Variants in STIM1 observed in about 807,000 individuals in gnomAD.
STIM1 encodes stromal interaction molecule 1.
A neutral mutation model predicts 74.7 loss-of-function variants in STIM1; 25 were observed. That is an observed-to-expected ratio of 0.33 (90% confidence interval 0.24 to 0.47). The LOEUF (loss-of-function observed/expected upper bound fraction) is 0.47. Ranked by LOEUF, STIM1 falls within the 20% of genes least tolerant of loss-of-function variation. The pLI is 1.00. For missense variants in STIM1, 728 were observed against 920.8 expected, an observed-to-expected ratio of 0.79 and a Z score of 2.71; for synonymous variants, 328 against 348.8, an observed-to-expected ratio of 0.94 and a Z score of 0.66.
chr11:3,980,610 T>TAAA (rs34722747), intron 2 of STIM1, among the ~76,000 whole-genome samples: 2 of 126,470 alleles, frequency 1.6e-5, no homozygotes, highest in Non-Finnish European at 3.3e-5. Flanking sequence ...CCCATCTCTT[T>TAAA]AAAAAAAAAA....
rs1458830346 is a variant in STIM1, at chr11:4,091,388, G to A, written c.1741G>A (p.Ala581Thr). The change falls in exon 13 of 13, where the codon GCC (alanine) becomes ACC (threonine). Residue 581 changes from alanine to threonine, a missense_variant. Coordinates refer to ENST00000526596, the MANE Select transcript of STIM1 (RefSeq NM_001382567.1). ...CCGTGCTGCAGACGAGGCTCTCAAT[G>A]CCATGACTTCCAATGGCAGCCACCG... ...MSRAADEALN[A>T]MTSNGSHRLI... 4.3e-6 allele frequency: 7 copies of A among 1,614,082 alleles called. No homozygotes were observed. Among genetic ancestry groups the A allele is most frequent in the Non-Finnish European group, 5.9e-6 (7 of 1,180,048 alleles).
intron 3 of STIM1, among the ~76,000 whole-genome samples, chr11:4,041,580 A>C (rs2094147735): frequency 6.6e-6 from 1 of 152,044 alleles, no homozygotes; most frequent in Non-Finnish European, 1.5e-5. Flanking sequence ...AATTCAAATC[A>C]AGACACCTGG....
At chr11:3,915,086 C>G (rs2092623759) in intron 1 of STIM1, among the ~76,000 whole-genome samples, 1 of 151,836 alleles carries the variant, frequency 6.6e-6, no homozygotes, top group African/African-American at 2.4e-5. Flanking sequence ...TATTTAAGTC[C>G]TTTGTCCATT....
At chr11:3,969,294 G>C (rs913695414) in intron 2 of STIM1, among the ~76,000 whole-genome samples, 4 of 151,840 alleles carry the variant, frequency 2.6e-5, no homozygotes, top group Non-Finnish European at 4.4e-5. Context: ...AGACTAGCCT[G>C]GACAACACAG....
At chr11:4,061,237 T>C (rs1012534250) in intron 5 of STIM1, among the ~76,000 whole-genome samples, 1 of 152,116 alleles carries the variant, frequency 6.6e-6, no homozygotes, top group African/African-American at 2.4e-5. Flanking sequence ...GCTGGGGACA[T>C]GGTACTGGGT....
chr11:3,926,743 T>C (rs2092793898), intron 1 of STIM1, among the ~76,000 whole-genome samples: 1 of 152,240 alleles, frequency 6.6e-6, no homozygotes, highest in Non-Finnish European at 1.5e-5. Flanking sequence ...CTGCAGCTAA[T>C]TAAATCAAGA....
At chr11:4,053,438 G>T (rs1172305254) in intron 3 of STIM1, among the ~76,000 whole-genome samples, 2 of 152,116 alleles carry the variant, frequency 1.3e-5, no homozygotes, top group African/African-American at 4.8e-5. Context: ...GTAGGGACAT[G>T]GATGAAGCTG....
intron 2 of STIM1, among the ~76,000 whole-genome samples, chr11:4,009,455 A>G (rs2093815026): frequency 1.3e-5 from 2 of 151,784 alleles, no homozygotes; most frequent in African/African-American, 4.8e-5. Context: ...TCCACTAAAA[A>G]CACAAAAATT....
chr11:3,893,016 C>T (rs1170244010), intron 1 of STIM1: 5 of 614,882 alleles, frequency 8.1e-6, no homozygotes, highest in Non-Finnish European at 1.4e-5. Context: ...GCAATCCACC[C>T]ACTTCGTCCT....
Position 4,051,199 on chromosome 11 carries a change from C to A in STIM1, c.386-4327C>A, listed in dbSNP as rs2094237577. On this transcript the variant is annotated intron_variant, in intron 3 of 12. Coordinates refer to ENST00000526596, the MANE Select transcript of STIM1 (RefSeq NM_001382567.1). ...ACTGTAACTATTTTGCATCAACACA[C>A]TTATAAACACAAATGCAACATGAGC... Among the ~76,000 whole-genome samples, 4 of 152,260 alleles carry A rather than the reference C, an allele frequency of 2.6e-5. No homozygotes were observed. In the South Asian group the frequency reaches 8.3e-4, roughly 32 times the overall value.
At chr11:3,855,370 G>C (rs2090320870), upstream of STIM1, 1 of 152,006 alleles carries the variant, frequency 6.6e-6, no homozygotes, top group African/African-American at 2.4e-5. Context: ...AGTAACTGCG[G>C]GTCAGGGACC....
At chr11:3,927,917 A>G (rs1418816266) in intron 1 of STIM1, among the ~76,000 whole-genome samples, 1 of 152,234 alleles carries the variant, frequency 6.6e-6, no homozygotes, top group Admixed American at 6.5e-5. Context: ...TAGCAGCTAC[A>G]ATAGCCTGAT....
At position 4,086,462 on chromosome 11, in the gene STIM1, T is replaced by C. The variant is rs369357916; in HGVS notation, c.1568-15T>C. The C allele has an allele frequency of 1.9e-6, 3 of 1,613,456 alleles. No individual in the cohort carries two copies. The highest frequency in any genetic ancestry group is 2.7e-5 in the African/African-American group (2 of 74,888). ...GGGCTGGCCCCTCCTGACACTTTCT[T>C]TATTCTCCTTGCAGCCCCTAGCCTG... On this transcript the variant is annotated splice_polypyrimidine_tract_variant and intron_variant, in intron 11 of 12. Coordinates refer to ENST00000526596, the MANE Select transcript of STIM1 (RefSeq NM_001382567.1).
At chr11:4,050,990 A>G (rs1029648466) in intron 3 of STIM1, among the ~76,000 whole-genome samples, 15 of 152,164 alleles carry the variant, frequency 9.9e-5, no homozygotes, top group Non-Finnish European at 4.4e-5. Context: ...AGGAGGAAGA[A>G]GAGAGATTAG....
chr11:3,878,084 C>T (rs1466779903), intron 1 of STIM1, among the ~76,000 whole-genome samples: 3 of 152,074 alleles, frequency 2.0e-5, no homozygotes, highest in Non-Finnish European at 2.9e-5. Context: ...GTTAAATGGG[C>T]CTGGTGCTCT....
chr11:4,000,302 C>T (rs1373869348), intron 2 of STIM1, among the ~76,000 whole-genome samples: 2 of 148,856 alleles, frequency 1.3e-5, no homozygotes, highest in African/African-American at 2.5e-5. Context: ...TCCCTGACCC[C>T]GACCCCCGAG....
At chr11:3,881,786 T>G (rs1261343452) in intron 1 of STIM1, among the ~76,000 whole-genome samples, 1 of 151,656 alleles carries the variant, frequency 6.6e-6, no homozygotes, top group Non-Finnish European at 1.5e-5. Flanking sequence ...TGGGTTGAAG[T>G]GATTCTCCTG....
At chr11:3,948,585 A>G (rs1261709609) in intron 1 of STIM1, among the ~76,000 whole-genome samples, 4 of 152,346 alleles carry the variant, frequency 2.6e-5, no homozygotes, top group Non-Finnish European at 5.9e-5. Flanking sequence ...TGACAAATCA[A>G]AGGAGCCCTA....
At chr11:4,060,653 A>G (rs1422239283) in intron 5 of STIM1, among the ~76,000 whole-genome samples, 3 of 152,202 alleles carry the variant, frequency 2.0e-5, no homozygotes, top group African/African-American at 7.2e-5. Flanking sequence ...TGTATTGAGC[A>G]ATGGCCTTCC....
Sources: gnomAD v4.1 joint callset for allele counts (sites outside exome capture counted in the v4.1 genomes callset) on GRCh38, gnomAD v4.1.1 for gene constraint, MANE v1.5 for transcripts, NCBI Gene and HGNC (gene_info 2026-07-23, HGNC 2026-07-21) for gene names.